The following ETNPPL variants were observed in gnomAD, a reference collection of about 807,000 sequenced individuals.
ETNPPL encodes the protein ethanolamine-phosphate phospho-lyase.
In ETNPPL, 30 loss-of-function variants were observed where a neutral mutation model predicts 55.5. The ratio of observed to expected loss-of-function variants is 0.54; its 90% CI spans 0.40 to 0.73. The LOEUF is 0.73. ETNPPL is among the 30% of genes least tolerant of loss of function. The probability of loss-of-function intolerance (pLI) is 0.00; values close to 1 mark genes in which losing one functional copy is unlikely to be tolerated. For synonymous variants in ETNPPL, 202 were observed against 207.2 expected (o/e 0.98, Z 0.21); for missense variants, 528 against 607.9 (o/e 0.87, Z 1.38).
In ETNPPL at chr4:108,750,623, A is replaced by ATTTTT. The variant is rs1304381663; in HGVS notation, c.701+312_701+313insAAAAA. Reference sequence around the variant, plus strand: ...TATATGATATATATAGGATATATATATATCCTATTAGTTTGGTCCCTCTAG... The same window carrying ATTTTT: ...TATATGATATATATAGGATATATATATTTTTTATCCTATTAGTTTGGTCCCTCTAG... On this transcript the variant is annotated intron_variant, in intron 7 of 12. Coordinates refer to ENST00000296486, the MANE Select transcript of ETNPPL (RefSeq NM_031279.4). Among the ~76,000 whole-genome samples the ATTTTT allele has an allele frequency of 2.3e-3, 304 of 130,714 alleles. 2 individuals carry two copies. Among genetic ancestry groups the ATTTTT allele is most frequent in the South Asian group, 3.7e-3 (15 of 4,056 alleles). The allele number at this position is 130,714 out of a possible 152,430, so 85.8% of individuals were successfully genotyped here. A position where few individuals can be genotyped will look rare whatever the true frequency, so the allele number is the denominator to read the frequency against.
At chr4:108,762,646 G>T in intron 1 of ETNPPL, 197 bp downstream of exon 1, 2 of 696,126 alleles carry the variant, frequency 2.9e-6, no homozygotes, top group South Asian at 1.6e-5. Context: ...GAAGCCCAGC[G>T]TTCCGGGTTC....
intron 5 of ETNPPL, among the ~76,000 whole-genome samples, chr4:108,753,800 G>GAAAGAAAGAAAGAAAGAAAGAAAAGA (rs374263477): frequency 1.8e-5 from 2 of 109,032 alleles, no homozygotes; most frequent in African/African-American, 9.9e-5. Flanking sequence ...AAGAAAGAAA[G>GAAAGAAAGAAAGAAAGAAAGAAAAGA]AAAGAAAAGA....
intron 6 of ETNPPL, among the ~76,000 whole-genome samples, chr4:108,751,312 T>G (rs1728902917): frequency 1.3e-5 from 2 of 152,162 alleles, no homozygotes; most frequent in South Asian, 4.1e-4. Context: ...TTCATTAGGA[T>G]GAACTGAATA....
At position 108,763,034 on chromosome 4, in the gene ETNPPL, T is replaced by A. The variant is rs1021504175; in HGVS notation, c.-136A>T. 2.7e-6 allele frequency: 2 copies of A among 737,776 alleles called. No homozygotes were observed. Among genetic ancestry groups the A allele is most frequent in the Non-Finnish European group, 4.6e-6 (2 of 436,006 alleles). 45.7% of individuals were successfully genotyped at this position (737,776 alleles called of 1,614,324 possible). A position where few individuals can be genotyped will look rare whatever the true frequency, so the allele number is the denominator to read the frequency against. ...TCCTGGCGTTCTCTTGCCCGGGGCG[T>A]CGGAGGTCACCGGTGGCGTCAACTA... is the stretch of plus-strand genomic sequence containing the variant. On this transcript the variant is annotated 5_prime_UTR_variant, in exon 1 of 13. Coordinates refer to ENST00000296486, the MANE Select transcript of ETNPPL (RefSeq NM_031279.4).
At chr4:108,749,905 G>C (rs931423994) in intron 7 of ETNPPL, among the ~76,000 whole-genome samples, 5 of 152,108 alleles carry the variant, frequency 3.3e-5, no homozygotes, top group Admixed American at 6.5e-5. Context: ...AGAGAGGGGG[G>C]TCTTGCTATG....
intron 12 of ETNPPL, among the ~76,000 whole-genome samples, chr4:108,743,350 G>A (rs1277680751): frequency 6.6e-6 from 1 of 152,142 alleles, no homozygotes; most frequent in Non-Finnish European, 1.5e-5. Context: ...ACTGCCATTC[G>A]AAGCTTACGC....
At chr4:108,747,112 T>C (rs1728544518) in intron 9 of ETNPPL, among the ~76,000 whole-genome samples, 1 of 117,538 alleles carries the variant, frequency 8.5e-6, no homozygotes, top group Non-Finnish European at 1.8e-5. Flanking sequence ...TTAATGATGA[T>C]AAATGTTAAC....
Position 108,748,171 on chromosome 4 carries a change from A to C in ETNPPL, c.928-12T>G. On this transcript the variant is annotated splice_polypyrimidine_tract_variant and intron_variant, in intron 8 of 12. Transcript: ENST00000296486. ...GGATTTCCTCCATACTGTAAAAAAA[A>C]AAAAGACAAATGAGAAAATATACCA... 6.4e-7 allele frequency: 1 copy of C among 1,551,264 alleles called. No homozygotes were observed. The highest frequency in any genetic ancestry group is 8.6e-7 in the Non-Finnish European group (1 of 1,158,832).
At chr4:108,750,484 C>A (rs182698842) in intron 7 of ETNPPL, among the ~76,000 whole-genome samples, 26 of 133,810 alleles carry the variant, frequency 1.9e-4, no homozygotes, top group African/African-American at 7.1e-4. Context: ...TAAGTTAATA[C>A]TTAATACCGC....
intron 1 of ETNPPL, among the ~76,000 whole-genome samples, 200 bp from the exon 2 acceptor site, chr4:108,760,506 A>G (rs1729464364): frequency 6.6e-6 from 1 of 152,198 alleles, no homozygotes; most frequent in African/African-American, 2.4e-5. Flanking sequence ...CATTGTTCAC[A>G]TTCCTTATGC....
intron 1 of ETNPPL, among the ~76,000 whole-genome samples, chr4:108,761,940 G>T (rs1318870671): frequency 2.0e-5 from 3 of 152,228 alleles, no homozygotes; most frequent in Non-Finnish European, 4.4e-5. Flanking sequence ...CCCGGCTGCA[G>T]TCGTTCATTT....
chr4:108,744,777 G>T (rs901026687), intron 11 of ETNPPL, among the ~76,000 whole-genome samples: 3 of 142,960 alleles, frequency 2.1e-5, no homozygotes, highest in Admixed American at 1.4e-4. Context: ...CTGAAGTGTA[G>T]TGGCACGGCT....
chr4:108,762,267 T>C, intron 1 of ETNPPL: 1 of 428,410 alleles, frequency 2.3e-6, no homozygotes, highest in Non-Finnish European at 4.7e-6. Flanking sequence ...GAGAGCAAGT[T>C]GGGTAAGAGG....
intron 2 of ETNPPL, 32 bp from the exon 3 acceptor site, chr4:108,759,940 AAGTT>A: frequency 6.2e-7 from 1 of 1,603,486 alleles, no homozygotes; most frequent in Non-Finnish European, 8.5e-7. Flanking sequence ...CCCAAGAAAT[AAGTT>A]AGAATTCTAA....
chr4:108,744,525 A>T (rs779201453), intron 11 of ETNPPL, among the ~76,000 whole-genome samples: 26 of 151,976 alleles, frequency 1.7e-4, no homozygotes, highest in Non-Finnish European at 3.1e-4. Context: ...CTTGTGAGGA[A>T]TGCTTGCCAG....
At chr4:108,759,994 G>GCAAA (rs570115235) in intron 2 of ETNPPL, 86 bp from the exon 3 acceptor site, 61 of 1,363,988 alleles carry the variant, frequency 4.5e-5, no homozygotes, top group East Asian at 3.7e-4. Context: ...AAGCAAGCAA[G>GCAAA]CAAACAAACA....
At chr4:108,754,921 CAT>C (rs1295087418) in intron 4 of ETNPPL, 1 of 478,290 alleles carries the variant, frequency 2.1e-6, no homozygotes, top group African/African-American at 2.0e-5. Context: ...TAATAAAACT[CAT>C]AGAAAGCCAA....
Position 108,745,762 on chromosome 4 carries a change from C to G in ETNPPL, c.1303+637G>C, listed in dbSNP as rs192695456. 2.4e-3 allele frequency among the ~76,000 whole-genome samples: 362 copies of G among 151,976 alleles called. 2 individuals are homozygous for G. Among genetic ancestry groups the G allele is most frequent in the African/African-American group, 8.5e-3 (354 of 41,446 alleles). On this transcript the variant is annotated intron_variant, in intron 11 of 12. Transcript: ENST00000296486. ...CCTGGCCAACATAGTGAAACCCCATCTCTACTAAAAATGCAGAAATTAGCC... is the reference window on the plus strand; with the variant it reads ...CCTGGCCAACATAGTGAAACCCCATGTCTACTAAAAATGCAGAAATTAGCC...
Position 108,753,005 on chromosome 4 carries a change from T to C in ETNPPL, c.508A>G (p.Thr170Ala), listed in dbSNP as rs368089283. 1.3e-6 allele frequency: 2 copies of C among 1,592,740 alleles called. No homozygotes were observed. The highest frequency in any genetic ancestry group is 1.7e-6 in the Non-Finnish European group (2 of 1,165,326). The change falls in exon 6 of 13, where the codon ACT becomes GCT. Residue 170 changes from threonine (T) to alanine (A), a missense_variant. Thr to Ala is a moderately conservative substitution (Grantham distance 58, BLOSUM62 0). Transcript: ENST00000296486. ...VKKEFVHVAP[T>A]PDTYRGKYRE... Reference sequence around the variant, plus strand: ...TATTTTCCTCTGTAAGTATCTGGAGTTGGTGCCTGAAAACATCAAATAATG... The same window carrying C: ...TATTTTCCTCTGTAAGTATCTGGAGCTGGTGCCTGAAAACATCAAATAATG...
Sources: allele counts gnomAD v4.1 joint callset (sites outside exome capture counted in the v4.1 genomes callset), GRCh38; gene constraint gnomAD v4.1.1; transcripts MANE v1.5; gene names NCBI Gene and HGNC (gene_info 2026-07-23, HGNC 2026-07-21).